CLEC2A: variants seen among roughly 807,000 people sequenced by gnomAD.
The protein encoded by CLEC2A is C-type lectin domain family 2 member A, also known as keratinocyte-associated C-type lectin.
CLEC2A carries 19 observed loss-of-function variants against 18.6 expected under a neutral mutation model. That is an observed-to-expected ratio of 1.02 (90% CI 0.71 to 1.50). The LOEUF is 1.50. Among genes scored for constraint, CLEC2A ranks in the 40% most tolerant of loss-of-function variants. The pLI is 0.00. For synonymous variants in CLEC2A, 74 were observed against 64.0 expected, an observed-to-expected ratio of 1.16 and a Z score of -0.75; for missense variants, 190 against 207.9, an observed-to-expected ratio of 0.91 and a Z score of 0.53.
At chr12:9,922,337 G>GT (rs758216364) in intron 2 of CLEC2A, 105 bp from the exon 3 acceptor site, 8 of 841,358 alleles carry the variant, frequency 9.5e-6, no homozygotes, top group Non-Finnish European at 1.3e-5. Context: ...TTTGAGGCCC[G>GT]TAAGTTAGCT....
chr12:9,921,474 C>A (rs1199816415), intron 3 of CLEC2A, among the ~76,000 whole-genome samples: 1 of 152,042 alleles, frequency 6.6e-6, no homozygotes, highest in Non-Finnish European at 1.5e-5. Context: ...GTAGTCCCAG[C>A]TACTCAGGAG....
intron 4 of CLEC2A, among the ~76,000 whole-genome samples, chr12:9,915,069 C>T (rs1350244324): frequency 2.6e-5 from 4 of 151,772 alleles, no homozygotes; most frequent in Non-Finnish European, 5.9e-5. Context: ...CAAAAGAAGA[C>T]ATTTATGCAG....
chr12:9,895,317 G>A (rs1386955207), downstream of CLEC2A, among the ~76,000 whole-genome samples: 4 of 152,178 alleles, frequency 2.6e-5, no homozygotes, highest in Admixed American at 6.5e-5. Flanking sequence ...AGGTCAGTTC[G>A]AAGGCTATGG....
In CLEC2A at chr12:9,920,959, C is replaced by T. The variant is rs1018635780; in HGVS notation, c.306+1107G>A. ...TACTTAATAATCTAAGAACATTTAA[C>T]GAAGACATTTAGATACATAAACAGT... On this transcript the variant is annotated intron_variant, in intron 3 of 4. Coordinates refer to ENST00000455827, the MANE Select transcript of CLEC2A (RefSeq NM_001130711.2). Among the ~76,000 whole-genome samples, 7 of 152,248 alleles carry T rather than the reference C, an allele frequency of 4.6e-5. No homozygotes were observed. The East Asian group carries it at 5.8e-4, about 13-fold the overall frequency.
the CLEC2A span, among the ~76,000 whole-genome samples, chr12:9,888,461 G>C: frequency 6.6e-6 from 1 of 151,912 alleles, no homozygotes; most frequent in African/African-American, 2.4e-5. Context: ...CTGCACTGCA[G>C]CCTGGGCAAC....
the CLEC2A span, chr12:9,888,598 T>A: frequency 4.0e-6 from 2 of 503,410 alleles, no homozygotes; most frequent in Non-Finnish European, 7.1e-6. Flanking sequence ...AGAAGAGGAG[T>A]GGATGCATAG....
chr12:9,893,765 T>A (rs572290270), downstream of CLEC2A, among the ~76,000 whole-genome samples: 1 of 152,214 alleles, frequency 6.6e-6, no homozygotes, highest in East Asian at 1.9e-4. Context: ...AAAAATGGGA[T>A]GGAAAGTATT....
intron 1 of CLEC2A, among the ~76,000 whole-genome samples, chr12:9,928,710 G>T (rs1461893029): frequency 6.6e-6 from 1 of 152,110 alleles, no homozygotes; most frequent in African/African-American, 2.4e-5. Context: ...ACTTACAGAA[G>T]AATACACGCA....
chr12:9,920,422 C>T (rs752343673), intron 3 of CLEC2A, among the ~76,000 whole-genome samples: 12 of 152,118 alleles, frequency 7.9e-5, no homozygotes, highest in Non-Finnish European at 1.6e-4. Context: ...TCTCCTGACC[C>T]GAGGGTTGCA....
intron 4 of CLEC2A, among the ~76,000 whole-genome samples, chr12:9,901,232 T>A (rs1591783373): frequency 6.6e-6 from 1 of 152,202 alleles, no homozygotes; most frequent in African/African-American, 2.4e-5. Flanking sequence ...TTTATTCCAA[T>A]GTCACAATCT....
At chr12:9,902,670 T>TG (rs1862850151) in intron 4 of CLEC2A, among the ~76,000 whole-genome samples, 1 of 149,832 alleles carries the variant, frequency 6.7e-6, no homozygotes, top group South Asian at 2.1e-4. Context: ...AAGAAACAAG[T>TG]GCTCAGTGCC....
chr12:9,917,693 A>T (rs969706507), intron 3 of CLEC2A, among the ~76,000 whole-genome samples: 1 of 152,216 alleles, frequency 6.6e-6, no homozygotes, highest in East Asian at 1.9e-4. Context: ...ACTGCTTTCC[A>T]CAATGGTGGA....
At chr12:9,889,068 A>T in the CLEC2A span, among the ~76,000 whole-genome samples, 3 of 152,228 alleles carry the variant, frequency 2.0e-5, no homozygotes, top group Admixed American at 2.0e-4. Flanking sequence ...ATATTTATCG[A>T]GCATCCACTG....
At chr12:9,910,249 C>T (rs1208366746), downstream of CLEC2A, among the ~76,000 whole-genome samples, 1 of 152,162 alleles carries the variant, frequency 6.6e-6, no homozygotes, top group African/African-American at 2.4e-5. Flanking sequence ...TTAGCATAAT[C>T]CCTAGGCAAC....
At chr12:9,898,837 T>G in exon 5 of CLEC2A, 1 of 694,950 alleles carries the variant, frequency 1.4e-6, no homozygotes, top group South Asian at 1.5e-5. Context: ...TGAAGACAGA[T>G]TTAACTGCTT....
chr12:9,879,011 A>T, the CLEC2A span, among the ~76,000 whole-genome samples: 309 of 152,242 alleles, frequency 2.0e-3, no homozygotes, highest in Non-Finnish European at 3.5e-3. Flanking sequence ...AGGCTTTCTG[A>T]TATCAACGGC....
chr12:9,881,753 C>T, the CLEC2A span: 1 of 939,692 alleles, frequency 1.1e-6, no homozygotes, highest in East Asian at 2.6e-5. Flanking sequence ...AACATCTTAA[C>T]ATTGATCATA....
the CLEC2A span, chr12:9,893,113 G>C: frequency 6.5e-7 from 1 of 1,535,794 alleles, no homozygotes; most frequent in Non-Finnish European, 8.7e-7. Flanking sequence ...GAGAGTCAAC[G>C]TGATTGTACA....
At chr12:9,931,367 C>T (rs553641311) in intron 1 of CLEC2A, among the ~76,000 whole-genome samples, 28 of 152,176 alleles carry the variant, frequency 1.8e-4, no homozygotes, top group African/African-American at 5.5e-4. Context: ...GAATATACAA[C>T]GAAGTAAATT....
Sources: allele counts gnomAD v4.1 joint callset (sites outside exome capture counted in the v4.1 genomes callset), GRCh38; gene constraint gnomAD v4.1.1; transcripts MANE v1.5; gene names NCBI Gene and HGNC (gene_info 2026-07-23, HGNC 2026-07-21).